The following GDAP1 variants were observed in gnomAD, a reference collection of about 807,000 sequenced individuals.
The protein encoded by GDAP1 is ganglioside-induced differentiation-associated protein 1.
GDAP1 carries 34 observed loss-of-function variants against 40.1 expected under a neutral mutation model. The observed-to-expected ratio is 0.85, with a 90% CI of 0.64 to 1.13. GDAP1 has a LOEUF of 1.13. Ranked by LOEUF, GDAP1 falls within the 50% of genes most tolerant of loss-of-function variation. GDAP1 has a pLI of 0.00. For missense variants in GDAP1, 374 were observed against 433.7 expected, an observed-to-expected ratio of 0.86 and a Z score of 1.22; for synonymous variants, 170 against 157.4, an observed-to-expected ratio of 1.08 and a Z score of -0.60.
At chr8:74,461,635 A>G (rs530091306) in intron 2 of GDAP1, among the ~76,000 whole-genome samples, 93 of 152,196 alleles carry the variant, frequency 6.1e-4, no homozygotes, top group Non-Finnish European at 1.0e-3. Context: ...TTAGGTGACT[A>G]ATTGATTGGG....
chr8:74,388,856 G>T (rs549519606), intron 2 of GDAP1, among the ~76,000 whole-genome samples: 55 of 152,024 alleles, frequency 3.6e-4, no homozygotes, highest in Non-Finnish European at 7.8e-4. Flanking sequence ...TATGAATCTG[G>T]GTGCTCCTGT....
intron 2 of GDAP1, among the ~76,000 whole-genome samples, chr8:74,375,826 A>G (rs1378177053): frequency 1.3e-5 from 2 of 152,226 alleles, no homozygotes; most frequent in Non-Finnish European, 1.5e-5. Context: ...AAAATTTTAA[A>G]GGAATAAGAA....
At chr8:74,429,702 A>T (rs1353995386) in intron 2 of GDAP1, among the ~76,000 whole-genome samples, 1 of 152,148 alleles carries the variant, frequency 6.6e-6, no homozygotes, top group Non-Finnish European at 1.5e-5. Flanking sequence ...TTACCCTTTA[A>T]CGGCCCTATT....
rs1022689618 is a variant in GDAP1, at chr8:74,394,726, C to T, written c.165+43405C>T. On this transcript the variant is annotated intron_variant, in intron 2 of 2. Transcript: ENST00000523640. ...AGGTGGTGACTCAGAGAGGGTGCTG[C>T]GTTAAGTATGTGGAGTTAAGCTAAG... Among the ~76,000 whole-genome samples the T allele has an allele frequency of 5.9e-5, 9 of 151,958 alleles. No homozygotes were observed. In the South Asian group the frequency reaches 1.5e-3, roughly 25 times the overall value.
downstream of GDAP1, among the ~76,000 whole-genome samples, chr8:74,370,145 G>A (rs1809723549): frequency 6.6e-6 from 1 of 152,208 alleles, no homozygotes; most frequent in African/African-American, 2.4e-5. Flanking sequence ...GGAAAGAAAA[G>A]TAGTGCCAGG....
At chr8:74,400,611 A>T (rs1388881032) in intron 2 of GDAP1, among the ~76,000 whole-genome samples, 1 of 149,668 alleles carries the variant, frequency 6.7e-6, no homozygotes, top group Non-Finnish European at 1.5e-5. Flanking sequence ...TTAGCTGGTT[A>T]TTTTGCTTGT....
chr8:74,406,356 C>T (rs2131551789), intron 2 of GDAP1, among the ~76,000 whole-genome samples: 2 of 150,362 alleles, frequency 1.3e-5, no homozygotes, highest in South Asian at 2.1e-4. Context: ...ATTGACTCAG[C>T]AACACTGTTT....
Position 74,364,533 on chromosome 8 carries a change from C to A in GDAP1, c.*166C>A, listed in dbSNP as rs575461751. ...CAGGGGTTCAGGTAGCAATAGGACA[C>A]AAAATTGCTTTATTCTACAACTGCC... On this transcript the variant is annotated 3_prime_UTR_variant, in exon 6 of 6. Coordinates refer to ENST00000220822, the MANE Select transcript of GDAP1 (RefSeq NM_018972.4). 5.3e-6 allele frequency: 4 copies of A among 755,768 alleles called. No individual in the cohort carries two copies. Among genetic ancestry groups the A allele is most frequent in the East Asian group, 5.3e-5 (2 of 37,678 alleles). The allele number at this position is 755,768 out of a possible 1,614,324, so 46.8% of individuals were successfully genotyped here. A position where few individuals can be genotyped will look rare whatever the true frequency, so the allele number is the denominator to read the frequency against.
Position 74,364,829 on chromosome 8 carries a change from G to C in GDAP1, c.*462G>C, listed in dbSNP as rs1356156871. 4.4e-6 allele frequency: 2 copies of C among 454,784 alleles called. No homozygotes were observed. Among genetic ancestry groups the C allele is most frequent in the Non-Finnish European group, 8.8e-6 (2 of 227,270 alleles). 28.2% of individuals were successfully genotyped at this position (454,784 alleles called of 1,614,324 possible). On this transcript the variant is annotated 3_prime_UTR_variant, in exon 6 of 6. Transcript: ENST00000220822. Reference sequence around the variant, plus strand: ...GCTTTATATGTATACTTTGACCTCAGTGTTAATTTTAAATGCTTATGAATC... The same window carrying C: ...GCTTTATATGTATACTTTGACCTCACTGTTAATTTTAAATGCTTATGAATC...
rs564731929 is a variant in GDAP1, at chr8:74,352,761, G to T, written c.310+1295G>T. 2.6e-5 allele frequency among the ~76,000 whole-genome samples: 4 copies of T among 152,246 alleles called. No homozygotes were observed. The South Asian group carries it at 6.2e-4, about 24-fold the overall frequency. Reference sequence around the variant, plus strand: ...AAAATGACAACTAGTTCATTTAAGAGAATTTTTCTCAATCTTGAGCTTTTT... The same window carrying T: ...AAAATGACAACTAGTTCATTTAAGATAATTTTTCTCAATCTTGAGCTTTTT... On this transcript the variant is annotated intron_variant, in intron 2 of 5. Coordinates refer to ENST00000220822, the MANE Select transcript of GDAP1 (RefSeq NM_018972.4).
At chr8:74,465,931 TA>T (rs1263908493) in intron 2 of GDAP1, among the ~76,000 whole-genome samples, 1 of 152,164 alleles carries the variant, frequency 6.6e-6, no homozygotes, top group Non-Finnish European at 1.5e-5. Context: ...TAGCTATTTT[TA>T]AAAAACACAT....
At chr8:74,465,151 C>T (rs1372637209) in intron 2 of GDAP1, among the ~76,000 whole-genome samples, 14 of 152,028 alleles carry the variant, frequency 9.2e-5, no homozygotes, top group South Asian at 2.1e-4. Flanking sequence ...ACCCGGGAGA[C>T]GGAGGTTGCA....
At chr8:74,423,320 T>A (rs1805904599) in intron 2 of GDAP1, among the ~76,000 whole-genome samples, 2 of 147,362 alleles carry the variant, frequency 1.4e-5, no homozygotes, top group Non-Finnish European at 3.0e-5. Context: ...TAATAGTATA[T>A]ATACTATTTA....
At chr8:74,468,234 G>T (rs1806498686) in intron 2 of GDAP1, among the ~76,000 whole-genome samples, 2 of 150,680 alleles carry the variant, frequency 1.3e-5, no homozygotes, top group Admixed American at 1.3e-4. Flanking sequence ...TTTTTCAGTG[G>T]TTTCTCACCT....
chr8:74,402,022 G>A (rs999975489), intron 2 of GDAP1, among the ~76,000 whole-genome samples: 2 of 150,252 alleles, frequency 1.3e-5, no homozygotes, highest in Admixed American at 6.6e-5. Flanking sequence ...CACTTGAGGA[G>A]GCAGTCTGCC....
chr8:74,425,798 A>G (rs1183406549), intron 2 of GDAP1, among the ~76,000 whole-genome samples: 1 of 152,192 alleles, frequency 6.6e-6, no homozygotes, highest in African/African-American at 2.4e-5. Context: ...TGAAGCCTGT[A>G]GGTAGAATGT....
intron 2 of GDAP1, among the ~76,000 whole-genome samples, chr8:74,477,668 G>A (rs867286445): frequency 6.6e-6 from 1 of 152,064 alleles, no homozygotes; most frequent in South Asian, 2.1e-4. Context: ...TGTTGGAGGG[G>A]CCCAGGTACT....
intron 2 of GDAP1, among the ~76,000 whole-genome samples, chr8:74,430,381 A>C (rs948899681): frequency 6.6e-6 from 1 of 152,176 alleles, no homozygotes; most frequent in Admixed American, 6.6e-5. Context: ...ACTAGAACCA[A>C]CTCCAAATTC....
chr8:74,398,912 G>T (rs1175994309), intron 2 of GDAP1, among the ~76,000 whole-genome samples: 1 of 152,122 alleles, frequency 6.6e-6, no homozygotes, highest in Non-Finnish European at 1.5e-5. Flanking sequence ...CTTGATCATG[G>T]TGGATAAGCT....
Sources: allele counts gnomAD v4.1 joint callset (sites outside exome capture counted in the v4.1 genomes callset), GRCh38; gene constraint gnomAD v4.1.1; transcripts MANE v1.5; gene names NCBI Gene and HGNC (gene_info 2026-07-23, HGNC 2026-07-21).